RBMS3: variants seen among roughly 807,000 people sequenced by gnomAD.
The protein encoded by RBMS3 is RNA-binding motif, single-stranded-interacting protein 3.
In RBMS3, 27 loss-of-function variants were observed where a neutral mutation model predicts 66.8. The observed-to-expected ratio is 0.40, with a 90% CI of 0.30 to 0.56. The LOEUF is 0.56. Ranked by LOEUF, RBMS3 falls within the 20% of genes least tolerant of loss-of-function variation. The pLI, the probability that RBMS3 is intolerant of heterozygous loss-of-function variation, is 0.40. For synonymous variants in RBMS3, 188 were observed against 183.0 expected, an observed-to-expected ratio of 1.03 and a Z score of -0.22; for missense variants, 513 against 549.5, an observed-to-expected ratio of 0.93 and a Z score of 0.66.
At chr3:29,777,359 C>T (rs557626285) in intron 6 of RBMS3, among the ~76,000 whole-genome samples, 5 of 151,920 alleles carry the variant, frequency 3.3e-5, no homozygotes, top group South Asian at 2.1e-4. Flanking sequence ...TTTGAACATA[C>T]GATGTTTGAT....
At chr3:29,519,795 C>T (rs901207168) in intron 3 of RBMS3, among the ~76,000 whole-genome samples, 2 of 152,062 alleles carry the variant, frequency 1.3e-5, no homozygotes, top group Admixed American at 6.6e-5. Flanking sequence ...GGGAGCTTTA[C>T]GATAGCATTC....
intron 1 of RBMS3, chr3:29,390,942 A>G (rs976662616): frequency 3.8e-5 from 8 of 212,918 alleles, no homozygotes; most frequent in African/African-American, 9.0e-5. Context: ...GACGGCTACC[A>G]TGGGGAATTT....
At chr3:29,610,400 A>G (rs2048455082) in intron 4 of RBMS3, among the ~76,000 whole-genome samples, 1 of 152,070 alleles carries the variant, frequency 6.6e-6, no homozygotes, top group African/African-American at 2.4e-5. Flanking sequence ...ACCCACCTTG[A>G]TGAAGTAACA....
intron 2 of RBMS3, among the ~76,000 whole-genome samples, chr3:29,470,846 CAAAT>C (rs887045016): frequency 1.4e-5 from 2 of 144,850 alleles, no homozygotes; most frequent in Admixed American, 7.2e-5. Flanking sequence ...AACAAACACA[CAAAT>C]AAATTTAATA....
At chr3:29,983,240 T>C (rs1266521634) in intron 12 of RBMS3, among the ~76,000 whole-genome samples, 67 of 127,884 alleles carry the variant, frequency 5.2e-4, no homozygotes, top group African/African-American at 1.1e-3. Flanking sequence ...CCCCGCCCCC[T>C]TTTTTTTTTT....
intron 2 of RBMS3, among the ~76,000 whole-genome samples, chr3:29,462,448 G>A (rs2042403366): frequency 6.6e-6 from 1 of 152,032 alleles, no homozygotes; most frequent in African/African-American, 2.4e-5. Context: ...TACTTCTGTT[G>A]TCCATGTATT....
intron 1 of RBMS3, among the ~76,000 whole-genome samples, chr3:29,312,396 C>T (rs991058905): frequency 6.6e-6 from 1 of 151,660 alleles, no homozygotes; most frequent in East Asian, 1.9e-4. Flanking sequence ...AAGAGGTTCA[C>T]TTACATAGGG....
chr3:29,464,980 G>A (rs1438328), intron 2 of RBMS3, among the ~76,000 whole-genome samples: 13,348 of 152,206 alleles, frequency 0.088, 772 homozygotes, highest in East Asian at 0.15. Context: ...ATTCATCTCA[G>A]TATTACAAGG....
rs553099027 is a variant in RBMS3, at chr3:29,699,429, G to A, written c.400-40291G>A. On this transcript the variant is annotated intron_variant, in intron 4 of 14. Coordinates refer to ENST00000383767, the MANE Select transcript of RBMS3 (RefSeq NM_001003793.3). ...CCCTAAGTGCTGGTATTACAGGCGT[G>A]AGCCACCGTGCCTGTCCTGTGGAGC... is the stretch of plus-strand genomic sequence containing the variant. Among the ~76,000 whole-genome samples the A allele has an allele frequency of 3.3e-5, 5 of 152,262 alleles. No homozygotes were observed. In the East Asian group the frequency reaches 7.7e-4, roughly 24 times the overall value.
At chr3:29,814,581 G>A (rs2057823829) in intron 6 of RBMS3, among the ~76,000 whole-genome samples, 1 of 152,066 alleles carries the variant, frequency 6.6e-6, no homozygotes, top group African/African-American at 2.4e-5. Flanking sequence ...TGTACCTCTG[G>A]TAGAATTCGG....
At chr3:29,996,957 C>CA (rs1225573702) in intron 14 of RBMS3, among the ~76,000 whole-genome samples, 2 of 151,854 alleles carry the variant, frequency 1.3e-5, no homozygotes, top group Admixed American at 1.3e-4. Context: ...AAAAACCCTT[C>CA]AAAAAATTAA....
chr3:29,999,066 G>GA (rs1366775221), intron 14 of RBMS3, among the ~76,000 whole-genome samples: 4 of 149,648 alleles, frequency 2.7e-5, no homozygotes, highest in East Asian at 2.0e-4. Context: ...ACTCAAACTA[G>GA]AAAAAAACAA....
chr3:29,702,121 G>A (rs2052627667), intron 4 of RBMS3, among the ~76,000 whole-genome samples: 1 of 152,134 alleles, frequency 6.6e-6, no homozygotes, highest in African/African-American at 2.4e-5. Context: ...CCTGTGTCTA[G>A]CTCAAGGTTT....
At chr3:30,000,000 A>C (rs1263808580) in intron 14 of RBMS3, among the ~76,000 whole-genome samples, 4 of 152,154 alleles carry the variant, frequency 2.6e-5, no homozygotes, top group Non-Finnish European at 5.9e-5. Context: ...CTTCATGCCT[A>C]AAACACCAAA....
intron 4 of RBMS3, among the ~76,000 whole-genome samples, chr3:29,659,061 C>T (rs1045068378): frequency 5.9e-5 from 9 of 152,112 alleles, no homozygotes; most frequent in Non-Finnish European, 1.2e-4. Context: ...TCGTAATCTG[C>T]CCGCCTCAGC....
In RBMS3 at chr3:29,708,171, TA is replaced by T. The variant is rs139622019; in HGVS notation, c.400-31547del. Among the ~76,000 whole-genome samples the T allele has an allele frequency of 7.5e-3, 1,141 of 152,314 alleles. 17 individuals carry two copies. The highest frequency in any genetic ancestry group is 0.026 in the African/African-American group (1,089 of 41,572). On this transcript the variant is annotated intron_variant, in intron 4 of 14. Coordinates refer to ENST00000383767, the MANE Select transcript of RBMS3 (RefSeq NM_001003793.3). ...TGACACTCTCAGATGGTACCTTATA[TA>T]AGAAGAAGACCAATTTCCAAAGCAA...
At chr3:29,533,922 G>A (rs2045457884) in intron 3 of RBMS3, among the ~76,000 whole-genome samples, 1 of 152,192 alleles carries the variant, frequency 6.6e-6, no homozygotes, top group Non-Finnish European at 1.5e-5. Context: ...TATTCACCAA[G>A]TGTTTCTTGA....
At chr3:29,699,161 A>AT (rs1219499039) in intron 4 of RBMS3, among the ~76,000 whole-genome samples, 3 of 152,056 alleles carry the variant, frequency 2.0e-5, no homozygotes, top group African/African-American at 4.8e-5. Flanking sequence ...AGCTATTTTC[A>AT]TTTTTTTGAG....
At chr3:29,345,276 A>G (rs965688227) in intron 1 of RBMS3, among the ~76,000 whole-genome samples, 1 of 152,240 alleles carries the variant, frequency 6.6e-6, no homozygotes, top group African/African-American at 2.4e-5. Context: ...TCCCTTGTGA[A>G]GAGAACAGAA....
Sources: gnomAD v4.1 joint callset for allele counts (sites outside exome capture counted in the v4.1 genomes callset) on GRCh38, gnomAD v4.1.1 for gene constraint, MANE v1.5 for transcripts, NCBI Gene and HGNC (gene_info 2026-07-23, HGNC 2026-07-21) for gene names.